The following COL26A1 variants were observed in gnomAD, a reference collection of about 807,000 sequenced individuals.
COL26A1 encodes collagen type XXVI alpha 1 chain.
In COL26A1, 41 loss-of-function variants were observed where a neutral mutation model predicts 59.3. The observed-to-expected ratio is 0.69, with a 90% confidence interval of 0.54 to 0.90. The LOEUF is 0.90. Among genes scored for constraint, COL26A1 ranks in the 40% least tolerant of loss-of-function variants. The pLI, the probability that COL26A1 is intolerant of heterozygous loss-of-function variation, is 0.00. For missense variants in COL26A1, 612 were observed against 602.3 expected (o/e 1.02, Z -0.17); for synonymous variants, 266 against 256.0 (o/e 1.04, Z -0.37).
chr7:101,550,639 GAT>G lies in COL26A1; in HGVS notation c.994-468_994-467del, dbSNP rs369286957. ...ATTTCCTGAGAAGGGGAGGCTTCGG[GAT>G]GGGGGGCACCAGGAGTTCCCTTTGG... On this transcript the variant is annotated intron_variant, in intron 9 of 12. Transcript: ENST00000313669. 1.5e-3 allele frequency among the ~76,000 whole-genome samples: 228 copies of G among 148,564 alleles called. 2 individuals carry two copies. The highest frequency in any genetic ancestry group is 5.6e-3 in the African/African-American group (214 of 38,074).
chr7:101,544,136 G>A (rs1397022647), intron 6 of COL26A1, 40 bp downstream of exon 6: 7 of 1,478,400 alleles, frequency 4.7e-6, no homozygotes, highest in African/African-American at 2.8e-5. Flanking sequence ...GTCAACCTGC[G>A]GAAGGGGCTG....
intron 1 of COL26A1, among the ~76,000 whole-genome samples, chr7:101,411,818 G>A (rs114874585): frequency 0.017 from 2,587 of 152,136 alleles, 66 homozygotes; most frequent in African/African-American, 0.06. Flanking sequence ...GGAAAGGAGG[G>A]GGGCCCTGGC....
In COL26A1 at chr7:101,540,062, T is replaced by C. The variant is rs1463040431; in HGVS notation, c.604+13T>C. ...ACGGGCCCAGCCGGTGAGTGAGGGC[T>C]GCAGAGAGGACAGGCTGGGGCAGCC... On this transcript the variant is annotated intron_variant, in intron 5 of 12. Coordinates refer to ENST00000313669, the MANE Select transcript of COL26A1 (RefSeq NM_001278563.3). The C allele has an allele frequency of 6.2e-7, 1 of 1,608,430 alleles. No individual in the cohort carries two copies. The highest frequency in any genetic ancestry group is 8.5e-7 in the Non-Finnish European group (1 of 1,177,932).
chr7:101,515,231 G>C (rs1003441111), intron 3 of COL26A1, among the ~76,000 whole-genome samples: 1 of 152,098 alleles, frequency 6.6e-6, no homozygotes. Flanking sequence ...GTGCCTCTCT[G>C]ATCAAGGAGA....
rs1038816077 is a variant in COL26A1 at position 101,487,640 on chromosome 7, C to T, written c.385+39853C>T. Among the ~76,000 whole-genome samples the T allele has an allele frequency of 6.6e-5, 10 of 152,162 alleles. No homozygotes were observed. In the East Asian group the frequency reaches 1.3e-3, roughly 21 times the overall value. On this transcript the variant is annotated intron_variant, in intron 3 of 12. Coordinates refer to ENST00000313669, the MANE Select transcript of COL26A1 (RefSeq NM_001278563.3). ...CTCTCCTCCCACCTCTGAGATGCCGCGCTCCTGTGCAAACCTGAGACCCTC... is the reference window on the plus strand; with the variant it reads ...CTCTCCTCCCACCTCTGAGATGCCGTGCTCCTGTGCAAACCTGAGACCCTC...
Position 101,489,752 on chromosome 7 carries a change from G to GTCTCTC in COL26A1, c.385+41967_385+41972dup, listed in dbSNP as rs748699213. On this transcript the variant is annotated intron_variant, in intron 3 of 12. Coordinates refer to ENST00000313669, the MANE Select transcript of COL26A1 (RefSeq NM_001278563.3). ...CTCTCTCTTTCTCTCTTTCTTTCTT[G>GTCTCTC]TCTCTCTTTCTTTCTTTCTTTCTTT... 2.4e-4 allele frequency among the ~76,000 whole-genome samples: 6 copies of GTCTCTC among 25,384 alleles called. 3 individuals carry two copies. Among genetic ancestry groups the GTCTCTC allele is most frequent in the African/African-American group, 2.2e-3 (6 of 2,762 alleles). The allele number at this position is 25,384 out of a possible 152,430, so 16.7% of individuals were successfully genotyped here.
At chr7:101,496,107 A>T (rs998894661) in intron 3 of COL26A1, among the ~76,000 whole-genome samples, 2 of 152,148 alleles carry the variant, frequency 1.3e-5, no homozygotes, top group East Asian at 1.9e-4. Context: ...AAGGCGGCTT[A>T]GCATGACTAG....
At chr7:101,472,689 C>A (rs994134320) in intron 3 of COL26A1, among the ~76,000 whole-genome samples, 4 of 152,338 alleles carry the variant, frequency 2.6e-5, no homozygotes, top group Admixed American at 6.5e-5. Context: ...GCCCTTCCCT[C>A]AGCCAACTGT....
At chr7:101,543,963 C>A in intron 5 of COL26A1, 35 bp from the exon 6 acceptor site, 1 of 1,476,096 alleles carries the variant, frequency 6.8e-7, no homozygotes, top group Non-Finnish European at 9.2e-7. Flanking sequence ...TGGGGGTCCA[C>A]CATGTTCTGA....
At chr7:101,459,264 T>G (rs1793550668) in intron 3 of COL26A1, among the ~76,000 whole-genome samples, 1 of 152,080 alleles carries the variant, frequency 6.6e-6, no homozygotes, top group African/African-American at 2.4e-5. Context: ...ATTCCTAAGG[T>G]GGCCTTGTCC....
At chr7:101,466,022 A>G (rs1157668760) in intron 3 of COL26A1, among the ~76,000 whole-genome samples, 3 of 152,154 alleles carry the variant, frequency 2.0e-5, no homozygotes, top group African/African-American at 7.2e-5. Context: ...TCAGTTTCCC[A>G]GCTAGAACTC....
intron 3 of COL26A1, among the ~76,000 whole-genome samples, chr7:101,530,591 A>AT (rs1254563526): frequency 6.7e-6 from 1 of 148,700 alleles, no homozygotes; most frequent in African/African-American, 2.5e-5. Context: ...AAAAAAAAAA[A>AT]GCAGGCACTG....
At chr7:101,485,317 C>T (rs1584450401) in intron 3 of COL26A1, among the ~76,000 whole-genome samples, 1 of 152,206 alleles carries the variant, frequency 6.6e-6, no homozygotes, top group African/African-American at 2.4e-5. Context: ...TCCAGCTCAC[C>T]TGCGTGAGGT....
chr7:101,542,809 C>T (rs1235770494), intron 5 of COL26A1, among the ~76,000 whole-genome samples: 1 of 152,220 alleles, frequency 6.6e-6, no homozygotes, highest in Non-Finnish European at 1.5e-5. Flanking sequence ...CGGCCTACCC[C>T]TCGAGCCGCT....
At chr7:101,403,167 T>C (rs1439139800) in intron 1 of COL26A1, among the ~76,000 whole-genome samples, 5 of 152,126 alleles carry the variant, frequency 3.3e-5, no homozygotes. Flanking sequence ...TAATTCTCCA[T>C]TCAAGTCCAT....
chr7:101,391,747 G>T lies in COL26A1; in HGVS notation c.159-28230G>T, dbSNP rs191006600. Reference sequence around the variant, plus strand: ...TTTTTCTATTTTTAGTAGAGACGGGGTATCACCATGTCAGTCAGGCTGGTC... The same window carrying T: ...TTTTTCTATTTTTAGTAGAGACGGGTTATCACCATGTCAGTCAGGCTGGTC... On this transcript the variant is annotated intron_variant, in intron 1 of 12. Transcript: ENST00000313669. 1.2e-3 allele frequency among the ~76,000 whole-genome samples: 186 copies of T among 152,236 alleles called. 3 individuals carry two copies. In the East Asian group the frequency reaches 0.019, roughly 15 times the overall value.
chr7:101,525,499 T>C (rs1795224765), intron 3 of COL26A1, among the ~76,000 whole-genome samples: 1 of 144,372 alleles, frequency 6.9e-6, no homozygotes, highest in African/African-American at 2.6e-5. Flanking sequence ...CACTGTTTTT[T>C]TGGTTTTTTT....
intron 3 of COL26A1, among the ~76,000 whole-genome samples, chr7:101,473,396 C>T (rs1051164045): frequency 2.0e-5 from 3 of 152,052 alleles, no homozygotes; most frequent in Non-Finnish European, 2.9e-5. Context: ...GTTTTGCTGC[C>T]GCTTTTTGGT....
rs191479991 is a variant in COL26A1 at position 101,476,709 on chromosome 7, G to A, written c.385+28922G>A. Among the ~76,000 whole-genome samples, 1,163 of 151,608 alleles carry A rather than the reference G, an allele frequency of 7.7e-3. 17 individuals carry two copies. Among genetic ancestry groups the A allele is most frequent in the African/African-American group, 0.027 (1,102 of 41,296 alleles). The stretch of plus-strand genomic sequence containing the variant: ...ACTACAGGCGCCCGCCACCACACCC[G>A]GCTAATTTTTTGTATTTTTAGTAGA... On this transcript the variant is annotated intron_variant, in intron 3 of 12. Transcript: ENST00000313669.
Sources: allele counts gnomAD v4.1 joint callset (sites outside exome capture counted in the v4.1 genomes callset), GRCh38; gene constraint gnomAD v4.1.1; transcripts MANE v1.5; gene names NCBI Gene and HGNC (gene_info 2026-07-23, HGNC 2026-07-21).